Variants in TAB1 observed in about 807,000 individuals in gnomAD.
TAB1 encodes TGF-beta activated kinase 1 (MAP3K7) binding protein 1.
Under a neutral mutation model 54.5 loss-of-function variants are expected in TAB1, and 30 were observed. The ratio of observed to expected loss-of-function variants is 0.55; its 90% CI spans 0.41 to 0.75. The LOEUF is 0.75. TAB1 is among the 30% of genes least tolerant of loss of function. The pLI, the probability that TAB1 is intolerant of heterozygous loss-of-function variation, is 0.00. For missense variants in TAB1, 609 were observed against 683.2 expected, an observed-to-expected ratio of 0.89 and a Z score of 1.21; for synonymous variants, 289 against 286.9, an observed-to-expected ratio of 1.01 and a Z score of -0.07.
rs556092719 is a variant in TAB1 at position 39,418,925 on chromosome 22, G to A, written c.664+80G>A. On this transcript the variant is annotated intron_variant, in intron 6 of 10. Coordinates refer to ENST00000216160, the MANE Select transcript of TAB1 (RefSeq NM_006116.3). ...GCCTTTGGTGGTGGGGTAGAGAGGC[G>A]TGTGGTAGAGGGGCTGTGATCTTGG... is the stretch of plus-strand genomic sequence containing the variant. 329 of 1,150,860 alleles carry A rather than the reference G, an allele frequency of 2.9e-4. 3 individuals carry two copies. In the East Asian group the frequency reaches 7.3e-3, roughly 26 times the overall value. 71.3% of individuals were successfully genotyped at this position (1,150,860 alleles called of 1,614,324 possible). A position where few individuals can be genotyped will look rare whatever the true frequency, so the allele number is the denominator to read the frequency against.
chr22:39,415,057 G>T lies in TAB1; in HGVS notation c.85G>T (p.Val29Phe). The change falls in exon 2 of 11, where the codon GTT becomes TTT. Residue 29 changes from valine to phenylalanine, a missense_variant. Physicochemically the swap from Val to Phe is conservative, Grantham distance 50. Coordinates refer to ENST00000216160, the MANE Select transcript of TAB1 (RefSeq NM_006116.3). This position sits in a 1 kb window ranked among gnomAD's most constrained non-coding sequence, Gnocchi z 4.9. Reference protein sequence around the residue: ...DDLPLCHLSGVGSASNRSYSA... With the variant: ...DDLPLCHLSGFGSASNRSYSA... The stretch of plus-strand genomic sequence containing the variant: ...CCTGCCTCTCTGCCACCTCTCTGGG[G>T]TTGGCTCAGCCTCCAACCGCAGCTA... 6.2e-7 allele frequency: 1 copy of T among 1,614,058 alleles called. No individual in the cohort carries two copies. The highest frequency in any genetic ancestry group is 8.5e-7 in the Non-Finnish European group (1 of 1,179,952).
intron 1 of TAB1, among the ~76,000 whole-genome samples, chr22:39,413,063 C>T (rs905143599): frequency 6.6e-6 from 1 of 151,718 alleles, no homozygotes; most frequent in Non-Finnish European, 1.5e-5. Flanking sequence ...TACAGGCGCC[C>T]GCCACCACAC....
rs533358374 is a variant in TAB1 at position 39,408,581 on chromosome 22, C to T, written c.34-6425C>T. Among the ~76,000 whole-genome samples the T allele has an allele frequency of 3.9e-5, 6 of 152,300 alleles. 1 individual carries two copies. The South Asian group carries it at 1.2e-3, about 32-fold the overall frequency. On this transcript the variant is annotated intron_variant, in intron 1 of 10. Transcript: ENST00000216160. ...TGGCGTGTGCGATCTCGGCTCTCTGCAACCTCCACCTCCTGGGTTCAAGCA... is the reference window on the plus strand; with the variant it reads ...TGGCGTGTGCGATCTCGGCTCTCTGTAACCTCCACCTCCTGGGTTCAAGCA...
chr22:39,412,067 T>C (rs1926630382), intron 1 of TAB1, among the ~76,000 whole-genome samples: 2 of 152,316 alleles, frequency 1.3e-5, no homozygotes, highest in South Asian at 2.1e-4. Context: ...AGACAGAGTC[T>C]CACTCCGTCG....
chr22:39,409,337 G>A (rs1376799495), intron 1 of TAB1, among the ~76,000 whole-genome samples: 1 of 152,316 alleles, frequency 6.6e-6, no homozygotes, highest in African/African-American at 2.4e-5. Flanking sequence ...CGCTGGAAAT[G>A]AAAATATACT....
chr22:39,415,706 A>G lies in TAB1; in HGVS notation c.324+53A>G, dbSNP rs1926803502. The stretch of plus-strand genomic sequence containing the variant: ...CAGCCACATCATGTCCCCCACCCCA[A>G]GGCTTGGGCCCTGCACCTCTAGCAT... On this transcript the variant is annotated intron_variant, in intron 3 of 10. Transcript: ENST00000216160. The surrounding 1 kb of genome is among the most constrained non-coding windows in gnomAD (Gnocchi z 4.9). The G allele has an allele frequency of 6.3e-7, 1 of 1,578,120 alleles. No homozygotes were observed. Among genetic ancestry groups the G allele is most frequent in the Non-Finnish European group, 8.6e-7 (1 of 1,164,638 alleles).
At chr22:39,417,464 C>CA (rs1926883456) in intron 4 of TAB1, among the ~76,000 whole-genome samples, 1 of 152,020 alleles carries the variant, frequency 6.6e-6, no homozygotes. Flanking sequence ...ACTAAAAATA[C>CA]AAAAAATTAG....
At chr22:39,411,904 G>C (rs1358569564) in intron 1 of TAB1, among the ~76,000 whole-genome samples, 2 of 152,210 alleles carry the variant, frequency 1.3e-5, no homozygotes, top group Non-Finnish European at 2.9e-5. Context: ...AAGAGAGAGA[G>C]AGACTGTTGA....
At chr22:39,406,489 C>T (rs1272959587) in intron 1 of TAB1, among the ~76,000 whole-genome samples, 1 of 151,730 alleles carries the variant, frequency 6.6e-6, no homozygotes, top group African/African-American at 2.4e-5. Flanking sequence ...AATCATGGGC[C>T]TCTGGCCCTA....
chr22:39,425,458 G>T (rs1329991917), intron 8 of TAB1, among the ~76,000 whole-genome samples: 3 of 151,976 alleles, frequency 2.0e-5, no homozygotes, highest in African/African-American at 7.2e-5. Flanking sequence ...AGATGATTTT[G>T]CCCAGCCGTA....
At chr22:39,420,519 A>G (rs2145673607) in intron 7 of TAB1, among the ~76,000 whole-genome samples, 1 of 152,284 alleles carries the variant, frequency 6.6e-6, no homozygotes, top group East Asian at 1.9e-4. Flanking sequence ...TAGAAAGTGC[A>G]TGTTAGAACT....
chr22:39,426,652 C>A, intron 8 of TAB1, 51 bp from the exon 9 acceptor site: 1 of 1,512,024 alleles, frequency 6.6e-7, no homozygotes. Context: ...GGCCCATGCC[C>A]CCCAGGCCGC....
At chr22:39,406,723 C>T (rs1926382657) in intron 1 of TAB1, among the ~76,000 whole-genome samples, 1 of 152,044 alleles carries the variant, frequency 6.6e-6, no homozygotes, top group Non-Finnish European at 1.5e-5. Context: ...AGCTCTGCCT[C>T]CCGGGTTCAC....
chr22:39,433,442 G>T (rs978979831), downstream of TAB1: 6 of 954,072 alleles, frequency 6.3e-6, no homozygotes, highest in Middle Eastern at 2.1e-3. Context: ...GACAGAGCGA[G>T]ACCCTGTCTC....
At chr22:39,424,383 T>G (rs964443183) in intron 8 of TAB1, among the ~76,000 whole-genome samples, 11 of 151,936 alleles carry the variant, frequency 7.2e-5, no homozygotes, top group African/African-American at 2.7e-4. Context: ...AATGCAGATC[T>G]ACTTCGAAAA....
rs1927532809 is a variant in TAB1 at position 39,430,341 on chromosome 22, A to G, written c.*119A>G. 2 of 1,525,982 alleles carry G rather than the reference A, an allele frequency of 1.3e-6. No homozygotes were observed. The highest frequency in any genetic ancestry group is 1.4e-5 in the African/African-American group (1 of 73,618). 94.5% of individuals were successfully genotyped at this position (1,525,982 alleles called of 1,614,324 possible). On this transcript the variant is annotated 3_prime_UTR_variant, in exon 11 of 11. Coordinates refer to ENST00000216160, the MANE Select transcript of TAB1 (RefSeq NM_006116.3). The stretch of plus-strand genomic sequence containing the variant: ...AGGTGCCCCATCCTCTGCCCACAGC[A>G]GACTCTGTCCCATGGCTCTCCGGGC...
intron 5 of TAB1, among the ~76,000 whole-genome samples, chr22:39,418,068 A>G (rs1259585803): frequency 6.6e-6 from 1 of 152,182 alleles, no homozygotes; most frequent in African/African-American, 2.4e-5. Context: ...TTTAGTCCCT[A>G]TTCTGCTTCT....
At position 39,421,952 on chromosome 22, in the gene TAB1, G is replaced by T. The variant is rs1457087968; in HGVS notation, c.902G>T (p.Gly301Val). 2 of 1,566,852 alleles carry T rather than the reference G, an allele frequency of 1.3e-6. No homozygotes were observed. The highest frequency in any genetic ancestry group is 2.4e-5 in the South Asian group (2 of 83,704). Residue 301 changes from glycine to valine, a missense_variant, in exon 8 of 11, where the codon GGG becomes GTG. Transcript: ENST00000216160. ...TACAAGGCCCTAGAGGCAGCCCATG[G>T]GCCTGGGCAGGCCAACCAGGTGAGT... is the stretch of plus-strand genomic sequence containing the variant. ...GLYKALEAAH[G>V]PGQANQEIAA...
intron 8 of TAB1, among the ~76,000 whole-genome samples, chr22:39,425,241 G>A (rs118148648): frequency 0.015 from 2,274 of 151,832 alleles, 29 homozygotes; most frequent in Middle Eastern, 0.061. Context: ...AAATTATCTG[G>A]TGCATAGTGA....
Sources: allele counts gnomAD v4.1 joint callset (sites outside exome capture counted in the v4.1 genomes callset), GRCh38; gene constraint gnomAD v4.1.1; non-coding constraint Gnocchi (gnomAD v3.1); transcripts MANE v1.5; gene names NCBI Gene and HGNC (gene_info 2026-07-23, HGNC 2026-07-21).